The following DRC8 variants were observed in gnomAD, a reference collection of about 807,000 sequenced individuals.
DRC8 encodes the protein dynein regulatory complex protein 8.
chr1:245,003,286 T>C, the DRC8 span, among the ~76,000 whole-genome samples: 2 of 152,234 alleles, frequency 1.3e-5, no homozygotes, highest in Non-Finnish European at 2.9e-5. Flanking sequence ...CCACTTACAA[T>C]ACTTTTAGTT....
the DRC8 span, chr1:245,121,784 GTCTGGCTCC>G: frequency 2.8e-6 from 1 of 361,558 alleles, no homozygotes; most frequent in South Asian, 2.2e-5. Context: ...CAACCCCTCC[GTCTGGCTCC>G]TCTACTGAAA....
chr1:244,978,864 T>G, the DRC8 span, among the ~76,000 whole-genome samples: 15 of 151,694 alleles, frequency 9.9e-5, no homozygotes, highest in Non-Finnish European at 1.3e-4. Flanking sequence ...GACATTGCCT[T>G]TTTTTTTATT....
the DRC8 span, among the ~76,000 whole-genome samples, chr1:245,106,642 A>G: frequency 6.6e-6 from 1 of 152,222 alleles, no homozygotes; most frequent in Non-Finnish European, 1.5e-5. Flanking sequence ...ACTGGTTACC[A>G]ATAAATTTGG....
chr1:245,063,371 G>A, the DRC8 span, among the ~76,000 whole-genome samples: 1 of 152,166 alleles, frequency 6.6e-6, no homozygotes, highest in African/African-American at 2.4e-5. Context: ...TCTTGGTCAA[G>A]CACTCTCATC....
chr1:245,050,450 C>G, the DRC8 span, among the ~76,000 whole-genome samples: 1 of 152,242 alleles, frequency 6.6e-6, no homozygotes, highest in Non-Finnish European at 1.5e-5. Context: ...CCCCAGCTCT[C>G]TCCTATATTT....
chr1:245,040,116 G>A, the DRC8 span, among the ~76,000 whole-genome samples: 5 of 152,152 alleles, frequency 3.3e-5, no homozygotes, highest in Admixed American at 1.3e-4. Context: ...TTTGCCAAGC[G>A]GCGTTTTGGT....
the DRC8 span, among the ~76,000 whole-genome samples, chr1:245,024,551 C>CTTTTT: frequency 7.1e-6 from 1 of 140,730 alleles, no homozygotes; most frequent in Non-Finnish European, 1.5e-5. Flanking sequence ...TTTTCTTTCT[C>CTTTTT]TTTTTTTTTT....
the DRC8 span, chr1:245,015,709 CAAAA>C: frequency 3.4e-3 from 682 of 199,154 alleles, no homozygotes; most frequent in South Asian, 0.01. Flanking sequence ...GACTCTGTCT[CAAAA>C]AAAAAAAAAA....
the DRC8 span, chr1:244,970,311 G>A: frequency 8.7e-7 from 1 of 1,143,290 alleles, no homozygotes; most frequent in Non-Finnish European, 1.2e-6. Flanking sequence ...CCGGGATTCA[G>A]AGCGGCCCCT....
the DRC8 span, among the ~76,000 whole-genome samples, chr1:245,115,696 G>A: frequency 6.6e-6 from 1 of 152,196 alleles, no homozygotes; most frequent in Non-Finnish European, 1.5e-5. Context: ...AGTGAGGGAG[G>A]TGGGCGTGTG....
the DRC8 span, among the ~76,000 whole-genome samples, chr1:245,046,246 T>C: frequency 5.9e-5 from 9 of 152,232 alleles, no homozygotes; most frequent in African/African-American, 2.2e-4. Flanking sequence ...AAGCTATGAA[T>C]TTTTTTCCTA....
At chr1:245,118,649 G>C in the DRC8 span, among the ~76,000 whole-genome samples, 21 of 152,016 alleles carry the variant, frequency 1.4e-4, no homozygotes, top group African/African-American at 4.8e-4. Flanking sequence ...AAATTAGCCT[G>C]GCGTGGTGGT....
At chr1:245,008,449 G>A in the DRC8 span, among the ~76,000 whole-genome samples, 9 of 152,088 alleles carry the variant, frequency 5.9e-5, no homozygotes, top group Admixed American at 3.9e-4. Flanking sequence ...GCTTCCCAAC[G>A]TGTTACTTTT....
the DRC8 span, among the ~76,000 whole-genome samples, chr1:244,985,876 A>ATAT: frequency 2.6e-5 from 4 of 152,156 alleles, no homozygotes; most frequent in East Asian, 1.9e-4. Context: ...AAAAAAAAAA[A>ATAT]ATACATAATT....
the DRC8 span, among the ~76,000 whole-genome samples, chr1:244,971,403 C>A: frequency 6.6e-6 from 1 of 152,214 alleles, no homozygotes; most frequent in Non-Finnish European, 1.5e-5. Flanking sequence ...GATGTGTTGT[C>A]TGTGCGGAGA....
At chr1:244,980,803 G>A in the DRC8 span, among the ~76,000 whole-genome samples, 4 of 152,330 alleles carry the variant, frequency 2.6e-5, no homozygotes, top group East Asian at 7.7e-4. Context: ...TGAGAATGAT[G>A]TGTGTTGGAT....
chr1:244,975,558 A>G, the DRC8 span, among the ~76,000 whole-genome samples: 1 of 152,342 alleles, frequency 6.6e-6, no homozygotes, highest in Non-Finnish European at 1.5e-5. Flanking sequence ...AGCACCTGCC[A>G]CAGTGCCTGG....
At chr1:245,081,306 C>T in the DRC8 span, among the ~76,000 whole-genome samples, 3 of 150,894 alleles carry the variant, frequency 2.0e-5, no homozygotes, top group African/African-American at 4.9e-5. Flanking sequence ...GGACTACAGG[C>T]GCCCACCACC....
the DRC8 span, among the ~76,000 whole-genome samples, chr1:245,121,440 G>T: frequency 6.6e-6 from 1 of 152,166 alleles, no homozygotes; most frequent in East Asian, 1.9e-4. Context: ...TTCATTTTCA[G>T]GCAGCCCCCT....
Sources: gnomAD v4.1 joint callset for allele counts (sites outside exome capture counted in the v4.1 genomes callset) on GRCh38, gnomAD v4.1.1 for gene constraint, MANE v1.5 for transcripts, NCBI Gene and HGNC (gene_info 2026-07-23, HGNC 2026-07-21) for gene names.